FRMD6: variants seen among roughly 807,000 people sequenced by gnomAD.
The protein encoded by FRMD6 is FERM domain containing 6.
A neutral mutation model predicts 73.2 loss-of-function variants in FRMD6; 37 were observed. The observed-to-expected ratio is 0.51, with a 90% CI of 0.39 to 0.66. FRMD6 has a LOEUF of 0.66. Ranked by LOEUF, FRMD6 falls within the 30% of genes least tolerant of loss-of-function variation. The pLI is 0.00. For missense variants in FRMD6, 714 were observed against 780.5 expected (o/e 0.91, Z 1.02); for synonymous variants, 273 against 282.2 (o/e 0.97, Z 0.33).
At chr14:51,638,329 A>C (rs1232049948) in intron 2 of FRMD6, among the ~76,000 whole-genome samples, 1 of 152,182 alleles carries the variant, frequency 6.6e-6, no homozygotes, top group African/African-American at 2.4e-5. Context: ...AAGCTGAGTG[A>C]GAGCGGATAG....
At chr14:51,487,237 CA>C (rs1318551569), upstream of FRMD6, among the ~76,000 whole-genome samples, 2 of 152,218 alleles carry the variant, frequency 1.3e-5, no homozygotes, top group Non-Finnish European at 2.9e-5. Flanking sequence ...CTTATAGTTA[CA>C]GTCCCTGTAA....
chr14:51,692,289 T>G (rs889012996), intron 2 of FRMD6, among the ~76,000 whole-genome samples: 1 of 152,162 alleles, frequency 6.6e-6, no homozygotes, highest in South Asian at 2.1e-4. Flanking sequence ...CTTTTTTCAG[T>G]GGGGGCACTA....
chr14:51,481,012 G>GTA, the FRMD6 span, among the ~76,000 whole-genome samples: 1 of 152,178 alleles, frequency 6.6e-6, no homozygotes, highest in African/African-American at 2.4e-5. Context: ...GAAACCACAT[G>GTA]TAAAATACTA....
At chr14:51,509,963 C>A (rs1291591709) in intron 1 of FRMD6, among the ~76,000 whole-genome samples, 1 of 152,210 alleles carries the variant, frequency 6.6e-6, no homozygotes, top group African/African-American at 2.4e-5. Flanking sequence ...GAGGACAATC[C>A]CAATGGAGGC....
intron 2 of FRMD6, among the ~76,000 whole-genome samples, chr14:51,594,049 G>A (rs191703048): frequency 1.4e-4 from 21 of 152,280 alleles, no homozygotes; most frequent in South Asian, 4.2e-4. Flanking sequence ...GTGAATTACT[G>A]ATGGAACCTA....
At chr14:51,528,641 G>C (rs553931878) in intron 1 of FRMD6, among the ~76,000 whole-genome samples, 2 of 152,140 alleles carry the variant, frequency 1.3e-5, no homozygotes, top group Non-Finnish European at 2.9e-5. Context: ...TGGGGAAAGA[G>C]GGTAGGCTTG....
intron 1 of FRMD6, among the ~76,000 whole-genome samples, chr14:51,668,005 T>C (rs1235625673): frequency 6.6e-6 from 1 of 152,172 alleles, no homozygotes; most frequent in Non-Finnish European, 1.5e-5. Context: ...GGAAAGCTAA[T>C]TGAAGTTATC....
intron 1 of FRMD6, among the ~76,000 whole-genome samples, chr14:51,548,278 A>G (rs187190152): frequency 8.6e-4 from 131 of 152,352 alleles, no homozygotes; most frequent in African/African-American, 3.0e-3. Flanking sequence ...GCTAAGTTCT[A>G]TGAGTAATGT....
intron 2 of FRMD6, among the ~76,000 whole-genome samples, chr14:51,646,266 C>T (rs939930014): frequency 2.8e-5 from 4 of 143,036 alleles, no homozygotes; most frequent in African/African-American, 5.2e-5. Context: ...TGCAATGAGC[C>T]GAGATCGCGC....
At position 51,729,853 on chromosome 14, in the gene FRMD6, G is replaced by C. The variant is rs1183666474; in HGVS notation, c.*1824G>C. ...CTTTAAAAGGAAAAAAAGTTCCATA[G>C]AGTTCTGTGGTCACAAAATTGTTTT... On this transcript the variant is annotated 3_prime_UTR_variant, in exon 14 of 14. Transcript: ENST00000344768. 1 of 152,640 alleles carries C rather than the reference G, an allele frequency of 6.6e-6. No homozygotes were observed. The highest frequency in any genetic ancestry group is 1.5e-5 in the Non-Finnish European group (1 of 68,046). 9.5% of individuals were successfully genotyped at this position (152,640 alleles called of 1,614,324 possible).
chr14:51,613,016 T>C (rs1166990485), intron 2 of FRMD6, among the ~76,000 whole-genome samples: 1 of 151,880 alleles, frequency 6.6e-6, no homozygotes, highest in East Asian at 1.9e-4. Context: ...CTTGGAAGCA[T>C]GAAAGAAAAC....
chr14:51,527,772 G>A (rs776714882), intron 1 of FRMD6, among the ~76,000 whole-genome samples: 1 of 152,190 alleles, frequency 6.6e-6, no homozygotes, highest in Non-Finnish European at 1.5e-5. Flanking sequence ...GAAGGCTGCT[G>A]TACCTTTATG....
chr14:51,704,700 T>C (rs762773709), intron 5 of FRMD6, 49 bp from the exon 6 acceptor site: 4 of 1,499,110 alleles, frequency 2.7e-6, no homozygotes, highest in Middle Eastern at 1.8e-4. Flanking sequence ...TTACATGTCA[T>C]TGGATTATTC....
At chr14:51,663,010 A>G (rs7155251) in intron 1 of FRMD6, among the ~76,000 whole-genome samples, 14 of 152,254 alleles carry the variant, frequency 9.2e-5, no homozygotes, top group African/African-American at 3.4e-4. Context: ...GCAAACAATC[A>G]TATGAAAAAA....
intron 1 of FRMD6, among the ~76,000 whole-genome samples, chr14:51,530,533 T>G (rs1816510173): frequency 6.6e-6 from 1 of 152,194 alleles, no homozygotes; most frequent in South Asian, 2.1e-4. Flanking sequence ...CAGGCTGGAG[T>G]GCAGTGGCAC....
chr14:51,704,892 A>G lies in FRMD6; in HGVS notation c.515A>G (p.His172Arg), dbSNP rs1340756063. Residue 172 changes from histidine (H) to arginine (R), a missense_variant, in exon 6 of 14, where the codon CAC (histidine) becomes CGC (arginine). His to Arg is a conservative substitution (Grantham distance 29). Transcript: ENST00000344768. ...CTTGGGAACTTCAAAAGGAATAAGCACTATGGAAAATACTTCGAGCCAGAG... is the reference window on the plus strand; with the variant it reads ...CTTGGGAACTTCAAAAGGAATAAGCGCTATGGAAAATACTTCGAGCCAGAG... The part of the protein sequence containing the change: ...ADLGNFKRNK[H>R]YGKYFEPEAY... 1 of 1,612,892 alleles carries G rather than the reference A, an allele frequency of 6.2e-7. No homozygotes were observed.
chr14:51,558,008 T>A (rs757739461), intron 1 of FRMD6, among the ~76,000 whole-genome samples: 7 of 152,126 alleles, frequency 4.6e-5, no homozygotes, highest in Non-Finnish European at 1.0e-4. Context: ...TGATTATTAT[T>A]TGAAGTTTTC....
intron 1 of FRMD6, among the ~76,000 whole-genome samples, chr14:51,508,264 C>T (rs939579973): frequency 2.0e-5 from 3 of 152,210 alleles, no homozygotes; most frequent in African/African-American, 7.2e-5. Flanking sequence ...CTCGGCTGCC[C>T]ATACTCATAA....
At chr14:51,476,122 A>G in the FRMD6 span, among the ~76,000 whole-genome samples, 3 of 152,198 alleles carry the variant, frequency 2.0e-5, no homozygotes, top group African/African-American at 7.2e-5. Context: ...CTTCCACTCA[A>G]ACTATCAATT....
Sources: gnomAD v4.1 joint callset for allele counts (sites outside exome capture counted in the v4.1 genomes callset) on GRCh38, gnomAD v4.1.1 for gene constraint, MANE v1.5 for transcripts, NCBI Gene and HGNC (gene_info 2026-07-23, HGNC 2026-07-21) for gene names.